CHRM3: variants seen among roughly 807,000 people sequenced by gnomAD.
CHRM3 encodes the protein muscarinic acetylcholine receptor M3.
CHRM3 carries 11 observed loss-of-function variants against 41.8 expected under a neutral mutation model. The observed-to-expected ratio is 0.26, with a 90% CI of 0.17 to 0.44. CHRM3 has a LOEUF of 0.44. CHRM3 is among the 20% of genes least tolerant of loss of function. CHRM3 has a pLI of 1.00. For missense variants in CHRM3, 571 were observed against 745.4 expected (o/e 0.77, Z 2.72); for synonymous variants, 297 against 301.4 (o/e 0.99, Z 0.15).
chr1:239,571,326 A>C (rs550970975), intron 3 of CHRM3, among the ~76,000 whole-genome samples: 42 of 152,042 alleles, frequency 2.8e-4, no homozygotes, highest in Non-Finnish European at 5.9e-4. Context: ...TTAGCAAGGA[A>C]ACAGTGCAAA....
intron 6 of CHRM3, among the ~76,000 whole-genome samples, chr1:239,849,367 C>T (rs1194229025): frequency 6.6e-6 from 1 of 152,178 alleles, no homozygotes; most frequent in Non-Finnish European, 1.5e-5. Flanking sequence ...CATCTACAGA[C>T]GTTTCCCATT....
chr1:239,502,814 G>T (rs1668324810), intron 2 of CHRM3, among the ~76,000 whole-genome samples: 1 of 152,100 alleles, frequency 6.6e-6, no homozygotes, highest in South Asian at 2.1e-4. Flanking sequence ...AAAATCACAT[G>T]ATCATCTCAA....
At chr1:239,900,638 G>A (rs1418189252) in intron 6 of CHRM3, among the ~76,000 whole-genome samples, 1 of 152,052 alleles carries the variant, frequency 6.6e-6, no homozygotes, top group Non-Finnish European at 1.5e-5. Context: ...GGGAGCACCA[G>A]GAATGTACCT....
At chr1:239,770,143 C>T (rs773864689) in intron 5 of CHRM3, among the ~76,000 whole-genome samples, 4 of 152,114 alleles carry the variant, frequency 2.6e-5, no homozygotes, top group Non-Finnish European at 4.4e-5. Context: ...TTGGAGAGTA[C>T]AGCCGACCTA....
Position 239,908,252 on chromosome 1 carries a change from C to A in CHRM3, c.801C>A (p.Gly267=), listed in dbSNP as rs1680120368. ...ETEKRTKELA[G]LQASGTEAET... is the part of the protein sequence containing the mutation. ...AAAAGCGTACCAAAGAGCTTGCTGG[C>A]CTGCAAGCCTCTGGGACAGAGGCAG... The change falls in exon 7 of 7, where the codon GGC becomes GGA. Residue 267 remains glycine (G), a synonymous_variant. Transcript: ENST00000676153. The surrounding 1 kb of genome is among the most constrained non-coding windows in gnomAD (Gnocchi z 7.2). 5.0e-6 allele frequency: 8 copies of A among 1,613,988 alleles called. No individual in the cohort carries two copies. Among genetic ancestry groups the A allele is most frequent in the African/African-American group, 1.3e-5 (1 of 74,920 alleles).
intron 3 of CHRM3, among the ~76,000 whole-genome samples, chr1:239,566,747 T>C (rs988549311): frequency 5.9e-5 from 9 of 152,198 alleles, no homozygotes; most frequent in Non-Finnish European, 1.2e-4. Context: ...ATGTTTCTAG[T>C]TCAGTGTTGA....
At chr1:239,603,346 A>C (rs1408102335) in intron 3 of CHRM3, among the ~76,000 whole-genome samples, 1 of 152,200 alleles carries the variant, frequency 6.6e-6, no homozygotes, top group African/African-American at 2.4e-5. Context: ...CAATAAAGCT[A>C]CTATTTAAAA....
At position 239,387,891 on chromosome 1, in the gene CHRM3, C is replaced by T. The variant is rs1658670295; in HGVS notation, c.-521+664C>T. Among the ~76,000 whole-genome samples, 1 of 152,132 alleles carries T rather than the reference C, an allele frequency of 6.6e-6. No homozygotes were observed. Among genetic ancestry groups the T allele is most frequent in the Non-Finnish European group, 1.5e-5 (1 of 68,022 alleles). On this transcript the variant is annotated intron_variant, in intron 1 of 6. Transcript: ENST00000676153. This position sits in a 1 kb window ranked among gnomAD's most constrained non-coding sequence, Gnocchi z 5.1. ...GAGTCTGCACTCGCGAGGCAGCGGC[C>T]GCTGGACTGCACCGGTTCTCCTCTT...
intron 1 of CHRM3, among the ~76,000 whole-genome samples, chr1:239,450,668 T>G (rs2103318098): frequency 6.6e-6 from 1 of 152,340 alleles, no homozygotes; most frequent in East Asian, 1.9e-4. Context: ...GGTACGTACA[T>G]TTTTTATACT....
At chr1:239,732,880 G>A (rs1222807089) in intron 5 of CHRM3, among the ~76,000 whole-genome samples, 1 of 143,948 alleles carries the variant, frequency 6.9e-6, no homozygotes, top group Admixed American at 7.0e-5. Flanking sequence ...ATTTAGATAA[G>A]TATATCTAAT....
intron 1 of CHRM3, among the ~76,000 whole-genome samples, chr1:239,391,253 C>T (rs1233330182): frequency 1.3e-5 from 2 of 152,164 alleles, no homozygotes; most frequent in Non-Finnish European, 2.9e-5. Context: ...CCCCACTGTA[C>T]ACTTGAAGAC....
intron 3 of CHRM3, among the ~76,000 whole-genome samples, chr1:239,579,149 T>G (rs1431894400): frequency 2.0e-5 from 3 of 152,234 alleles, no homozygotes; most frequent in East Asian, 1.9e-4. Flanking sequence ...GATGTCATAA[T>G]AGACCTTGTT....
At chr1:239,593,974 T>C (rs1325960938) in intron 3 of CHRM3, among the ~76,000 whole-genome samples, 2 of 152,198 alleles carry the variant, frequency 1.3e-5, no homozygotes, top group Non-Finnish European at 2.9e-5. Context: ...TTTTACTCTC[T>C]TTTAAGCTGT....
chr1:239,429,223 T>G (rs1662631275), intron 1 of CHRM3, among the ~76,000 whole-genome samples: 2 of 152,222 alleles, frequency 1.3e-5, no homozygotes. Flanking sequence ...GTCTAACAAC[T>G]CTTTTGCCTG....
At chr1:239,522,538 A>G (rs1360523240) in intron 2 of CHRM3, among the ~76,000 whole-genome samples, 1 of 152,228 alleles carries the variant, frequency 6.6e-6, no homozygotes, top group Non-Finnish European at 1.5e-5. Context: ...ATTTTAAGCT[A>G]CCACCTTTTG....
chr1:239,874,326 T>TATATATATATATAC (rs1327295792), intron 6 of CHRM3, among the ~76,000 whole-genome samples: 6 of 121,986 alleles, frequency 4.9e-5, no homozygotes, highest in African/African-American at 1.8e-4. Context: ...TATATATATA[T>TATATATATATATAC]ACACAGTTGA....
chr1:239,665,659 G>C (rs910135822), intron 4 of CHRM3, among the ~76,000 whole-genome samples: 4 of 152,012 alleles, frequency 2.6e-5, no homozygotes, highest in Non-Finnish European at 4.4e-5. Flanking sequence ...TCCTAATGCT[G>C]TCTCTCCACT....
At chr1:239,411,600 A>G (rs1661068083) in intron 1 of CHRM3, among the ~76,000 whole-genome samples, 1 of 151,536 alleles carries the variant, frequency 6.6e-6, no homozygotes, top group South Asian at 2.1e-4. Flanking sequence ...TGGCATGCAC[A>G]TACAATCCCA....
At chr1:239,418,748 G>T (rs572648589) in intron 1 of CHRM3, among the ~76,000 whole-genome samples, 6 of 152,238 alleles carry the variant, frequency 3.9e-5, no homozygotes, top group Non-Finnish European at 8.8e-5. Flanking sequence ...AATTTCTGTT[G>T]CTATTGATAT....
Sources: gnomAD v4.1 joint callset for allele counts (sites outside exome capture counted in the v4.1 genomes callset) on GRCh38, gnomAD v4.1.1 for gene constraint, Gnocchi (gnomAD v3.1) non-coding constraint, MANE v1.5 for transcripts, NCBI Gene and HGNC (gene_info 2026-07-23, HGNC 2026-07-21) for gene names.